Variants in L3MBTL2 observed in about 807,000 individuals in gnomAD.
L3MBTL2 encodes the protein L3MBTL histone methyl-lysine binding protein 2, also known as lethal(3)malignant brain tumor-like protein 2.
A neutral mutation model predicts 86.4 loss-of-function variants in L3MBTL2; 49 were observed. The ratio of observed to expected loss-of-function variants is 0.57; its 90% CI spans 0.45 to 0.72. The LOEUF (loss-of-function observed/expected upper bound fraction) is 0.72. Ranked by LOEUF, L3MBTL2 falls within the 30% of genes least tolerant of loss-of-function variation. L3MBTL2 has a pLI of 0.00. For synonymous variants in L3MBTL2, 336 were observed against 350.6 expected (o/e 0.96, Z 0.47); for missense variants, 755 against 923.7 (o/e 0.82, Z 2.37).
chr22:41,215,200 C>T (rs973273242), intron 3 of L3MBTL2, among the ~76,000 whole-genome samples: 1 of 152,096 alleles, frequency 6.6e-6, no homozygotes, highest in Non-Finnish European at 1.5e-5. Context: ...CTTTGTGAGA[C>T]AATTACCATT....
chr22:41,223,572 C>T (rs1421355180), intron 8 of L3MBTL2, among the ~76,000 whole-genome samples: 1 of 142,058 alleles, frequency 7.0e-6, no homozygotes, highest in African/African-American at 2.5e-5. Flanking sequence ...TGGGAGGGGG[C>T]GGGGAGGGCA....
chr22:41,210,309 C>A (rs1321150689), intron 2 of L3MBTL2, among the ~76,000 whole-genome samples: 3 of 151,966 alleles, frequency 2.0e-5, no homozygotes, highest in African/African-American at 7.2e-5. Flanking sequence ...ACCACCACAT[C>A]CAGCTAACTT....
intron 3 of L3MBTL2, among the ~76,000 whole-genome samples, chr22:41,214,991 GAAA>G (rs376324099): frequency 0.012 from 1,480 of 123,472 alleles, 29 homozygotes; most frequent in African/African-American, 0.048. Context: ...AGCCTGGGGG[GAAA>G]ATATTATGTA....
At chr22:41,222,696 G>C (rs1003016649) in intron 8 of L3MBTL2, among the ~76,000 whole-genome samples, 1 of 152,038 alleles carries the variant, frequency 6.6e-6, no homozygotes, top group East Asian at 1.9e-4. Flanking sequence ...GAGGTCAGAA[G>C]ATCACCTGAG....
rs2032260265 is a variant in L3MBTL2, at chr22:41,227,369, T to C, written c.1822+46T>C. 1.3e-6 allele frequency: 2 copies of C among 1,510,950 alleles called. No homozygotes were observed. Among genetic ancestry groups the C allele is most frequent in the African/African-American group, 1.4e-5 (1 of 72,234 alleles). 93.6% of individuals were successfully genotyped at this position (1,510,950 alleles called of 1,614,324 possible). ...AAGAGGCTCTGACTTTCTTTCCTCTTCTTTTTTCCTTCTTCCCCCGCCCCT... is the reference window on the plus strand; with the variant it reads ...AAGAGGCTCTGACTTTCTTTCCTCTCCTTTTTTCCTTCTTCCCCCGCCCCT... On this transcript the variant is annotated intron_variant, in intron 14 of 16. Transcript: ENST00000216237. This position sits in a 1 kb window ranked among gnomAD's most constrained non-coding sequence, Gnocchi z 6.0.
In L3MBTL2 at chr22:41,224,008, ACGT is replaced by A. The variant is rs758147011; in HGVS notation, c.943-8_943-6del. ...TGAGCCATAGCAGGCCTGTGTTCTG[ACGT>A]CGTTTCAGATGGTGGAGAGCATGAA... On this transcript the variant is annotated splice_polypyrimidine_tract_variant and intron_variant, in intron 8 of 16. Transcript: ENST00000216237. The surrounding 1 kb of genome is among the most constrained non-coding windows in gnomAD (Gnocchi z 4.9). The A allele has an allele frequency of 1.2e-6, 2 of 1,610,652 alleles. No homozygotes were observed. The highest frequency in any genetic ancestry group is 2.2e-5 in the East Asian group (1 of 44,860).
At chr22:41,213,245 C>A (rs2031052829) in intron 2 of L3MBTL2, among the ~76,000 whole-genome samples, 1 of 152,090 alleles carries the variant, frequency 6.6e-6, no homozygotes, top group Non-Finnish European at 1.5e-5. Flanking sequence ...AAACACTGAT[C>A]TAGTTCAGTC....
chr22:41,212,229 C>T (rs2030933565), intron 2 of L3MBTL2, among the ~76,000 whole-genome samples: 1 of 152,062 alleles, frequency 6.6e-6, no homozygotes, highest in Admixed American at 6.6e-5. Flanking sequence ...CCCTTCTATC[C>T]TCTTCCAGCC....
At position 41,224,930 on chromosome 22, in the gene L3MBTL2, C is replaced by T; in HGVS notation, c.1252-37C>T. ...TGCTTCCCTCACCCTTCCTCCTGGC[C>T]TGCCCAGGGAGTCCCCAGCTGTCCC... On this transcript the variant is annotated intron_variant, in intron 10 of 16. Transcript: ENST00000216237. This position sits in a 1 kb window ranked among gnomAD's most constrained non-coding sequence, Gnocchi z 4.9. 6.3e-7 allele frequency: 1 copy of T among 1,595,948 alleles called. No homozygotes were observed. Among genetic ancestry groups the T allele is most frequent in the Non-Finnish European group, 8.6e-7 (1 of 1,164,836 alleles).
At position 41,227,788 on chromosome 22, in the gene L3MBTL2, T is replaced by A; in HGVS notation, c.1823-16T>A. ...ACCCTCTTCTCATCTCTTTCACCCT[T>A]GTCTTTCAACAACAGAACCGGCCAC... On this transcript the variant is annotated splice_polypyrimidine_tract_variant and intron_variant, in intron 14 of 16. Transcript: ENST00000216237. The surrounding 1 kb of genome is among the most constrained non-coding windows in gnomAD (Gnocchi z 6.0). The A allele has an allele frequency of 6.2e-7, 1 of 1,613,474 alleles. No homozygotes were observed. Among genetic ancestry groups the A allele is most frequent in the South Asian group, 1.1e-5 (1 of 91,008 alleles).
rs1156884860 is a variant in L3MBTL2 at position 41,227,311 on chromosome 22, C to T, written c.1810C>T (p.Pro604Ser). ...GCTCACCGGCTACCAGCTCCAGCCT[C>T]CTGTGGCCGCAGGTGTGGGCTCTCG... ...CELTGYQLQP[P>S]VAAEPATPLK... The change falls in exon 14 of 17, where the codon CCT (proline) becomes TCT (serine). Residue 604 changes from proline to serine, a missense_variant. Transcript: ENST00000216237. This position sits in a 1 kb window ranked among gnomAD's most constrained non-coding sequence, Gnocchi z 6.0. 6.2e-7 allele frequency: 1 copy of T among 1,600,312 alleles called. No homozygotes were observed. The highest frequency in any genetic ancestry group is 2.3e-5 in the East Asian group (1 of 44,148).
chr22:41,207,677 C>CT (rs1288172173), intron 1 of L3MBTL2, among the ~76,000 whole-genome samples: 1 of 151,118 alleles, frequency 6.6e-6, no homozygotes, highest in Non-Finnish European at 1.5e-5. Context: ...TTCTTCACAC[C>CT]TTTTTTTTCC....
chr22:41,209,019 G>A (rs961816085), intron 1 of L3MBTL2: 1 of 152,376 alleles, frequency 6.6e-6, no homozygotes, highest in African/African-American at 2.4e-5. Flanking sequence ...GGGATTACAG[G>A]TGTGGGCCAC....
At chr22:41,219,905 G>A (rs113550021) in intron 6 of L3MBTL2, among the ~76,000 whole-genome samples, 2,399 of 152,246 alleles carry the variant, frequency 0.016, 56 homozygotes, top group African/African-American at 0.055. Context: ...CACCACACAC[G>A]GCTAATGTTT....
In L3MBTL2 at chr22:41,225,799, C is replaced by G; in HGVS notation, c.1362C>G (p.Leu454=). 6.2e-7 allele frequency: 1 copy of G among 1,611,216 alleles called. No individual in the cohort carries two copies. Among genetic ancestry groups the G allele is most frequent in the Middle Eastern group, 1.7e-4 (1 of 6,050 alleles). Residue 454 remains leucine, a synonymous_variant, in exon 12 of 17, where the codon CTC becomes CTG. Coordinates refer to ENST00000216237, the MANE Select transcript of L3MBTL2 (RefSeq NM_031488.5). The surrounding 1 kb of genome is among the most constrained non-coding windows in gnomAD (Gnocchi z 4.1). ...NICVATVCKV[L]LDGYLMICVD... ...CTGCTCCCCCCACCCCCCAGGTTCT[C>G]CTGGATGGATACCTGATGATCTGTG... is the stretch of plus-strand genomic sequence containing the variant.
intron 13 of L3MBTL2, 29 bp downstream of exon 13, chr22:41,226,773 C>T (rs367894394): frequency 6.5e-7 from 1 of 1,533,842 alleles, no homozygotes; most frequent in Non-Finnish European, 9.0e-7. Context: ...AGCAAGGGGC[C>T]TGCGGTGGCC....
Position 41,230,165 on chromosome 22 carries a change from C to T in L3MBTL2, c.2032C>T (p.His678Tyr). 1.3e-6 allele frequency: 2 copies of T among 1,584,104 alleles called. No individual in the cohort carries two copies. The highest frequency in any genetic ancestry group is 2.3e-5 in the East Asian group (1 of 42,656). The change falls in exon 17 of 17, where the codon CAT becomes TAT. Residue 678 changes from histidine (H) to tyrosine (Y), a missense_variant. Transcript: ENST00000216237. ...EIIAVRVKEE[H>Y]LDVASPDKAS... ...CATTGCTGTGCGTGTGAAGGAAGAG[C>T]ATCTAGACGTGGCCTCGCCCGACAA...
intron 2 of L3MBTL2, among the ~76,000 whole-genome samples, chr22:41,211,350 G>A (rs999714045): frequency 1.3e-5 from 2 of 149,724 alleles, no homozygotes; most frequent in African/African-American, 5.0e-5. Flanking sequence ...ACAGGTGCAC[G>A]CCACCATGCC....
rs1048411928 is a variant in L3MBTL2, at chr22:41,227,737, C to T, written c.1823-67C>T. 8 of 1,609,184 alleles carry T rather than the reference C, an allele frequency of 5.0e-6. No homozygotes were observed. The highest frequency in any genetic ancestry group is 4.0e-5 in the African/African-American group (3 of 74,776). ...GGAGGGTGGATGGGGTCTCGGGATGCGCCTGTGCCCTGTGTCCTCCCAGGG... is the reference window on the plus strand; with the variant it reads ...GGAGGGTGGATGGGGTCTCGGGATGTGCCTGTGCCCTGTGTCCTCCCAGGG... On this transcript the variant is annotated intron_variant, in intron 14 of 16. Transcript: ENST00000216237. The surrounding 1 kb of genome is among the most constrained non-coding windows in gnomAD (Gnocchi z 6.0).
Sources: gnomAD v4.1 joint callset for allele counts (sites outside exome capture counted in the v4.1 genomes callset) on GRCh38, gnomAD v4.1.1 for gene constraint, Gnocchi (gnomAD v3.1) non-coding constraint, MANE v1.5 for transcripts, NCBI Gene and HGNC (gene_info 2026-07-23, HGNC 2026-07-21) for gene names.